The following GAS7 variants were observed in gnomAD, a reference collection of about 807,000 sequenced individuals.
The protein encoded by GAS7 is growth arrest specific 7.
Under a neutral mutation model 71.1 loss-of-function variants are expected in GAS7, and 28 were observed. The observed-to-expected ratio is 0.39, with a 90% confidence interval of 0.29 to 0.54. The LOEUF (loss-of-function observed/expected upper bound fraction) is 0.54. Among genes scored for constraint, GAS7 ranks in the 20% least tolerant of loss-of-function variants. GAS7 has a pLI of 0.62. For synonymous variants in GAS7, 258 were observed against 245.8 expected, an observed-to-expected ratio of 1.05 and a Z score of -0.46; for missense variants, 436 against 627.8, an observed-to-expected ratio of 0.69 and a Z score of 3.27.
chr17:9,977,057 G>A (rs544477429), intron 3 of GAS7, among the ~76,000 whole-genome samples: 1 of 152,342 alleles, frequency 6.6e-6, no homozygotes, highest in African/African-American at 2.4e-5. Context: ...TACTCGTAAT[G>A]CACGATGTCA....
intron 1 of GAS7, among the ~76,000 whole-genome samples, chr17:10,153,664 ATCAT>A: frequency 6.6e-6 from 1 of 152,350 alleles, no homozygotes; most frequent in East Asian, 1.9e-4. Context: ...CATGTATTAA[ATCAT>A]TCATTTACTT....
chr17:10,192,633 AG>A (rs2074511019), intron 1 of GAS7, among the ~76,000 whole-genome samples: 1 of 152,192 alleles, frequency 6.6e-6, no homozygotes, highest in African/African-American at 2.4e-5. Context: ...CTTGTTGCTA[AG>A]GGAACTTTTG....
chr17:10,148,126 G>C (rs1255928730), intron 1 of GAS7, among the ~76,000 whole-genome samples: 1 of 152,128 alleles, frequency 6.6e-6, no homozygotes, highest in Non-Finnish European at 1.5e-5. Flanking sequence ...AGGCATTTTT[G>C]ATTTAGGAGC....
Position 10,125,243 on chromosome 17 carries a change from C to T in GAS7, c.183+72965G>A, listed in dbSNP as rs768887364. Among the ~76,000 whole-genome samples, 216 of 152,044 alleles carry T rather than the reference C, an allele frequency of 1.4e-3. 1 individual carries two copies. The highest frequency in any genetic ancestry group is 1.7e-3 in the Non-Finnish European group (118 of 67,966). On this transcript the variant is annotated intron_variant, in intron 1 of 13. Transcript: ENST00000432992. ...TTAAAAAAAATAGGTCAAGGCTGGG[C>T]GCAGTGGCTCATGCCTATGATCCCA... is the stretch of plus-strand genomic sequence containing the variant.
intron 5 of GAS7, among the ~76,000 whole-genome samples, chr17:9,956,789 G>A (rs1267099738): frequency 1.3e-5 from 2 of 152,184 alleles, no homozygotes; most frequent in African/African-American, 2.4e-5. Context: ...GACAGCACGG[G>A]AAGCGGCTCA....
At chr17:10,100,656 C>G (rs954535975) in intron 1 of GAS7, among the ~76,000 whole-genome samples, 45 of 152,196 alleles carry the variant, frequency 3.0e-4, no homozygotes, top group Non-Finnish European at 1.6e-4. Flanking sequence ...CCAACCCCCC[C>G]ATCCAGGCTC....
intron 1 of GAS7, among the ~76,000 whole-genome samples, chr17:10,105,175 C>T (rs2073745014): frequency 6.6e-6 from 1 of 152,166 alleles, no homozygotes; most frequent in South Asian, 2.1e-4. Flanking sequence ...ACATGCCATG[C>T]GTATTCCTAC....
intron 1 of GAS7, among the ~76,000 whole-genome samples, chr17:10,134,279 C>T (rs2074021850): frequency 6.6e-6 from 1 of 152,124 alleles, no homozygotes. Flanking sequence ...GATCCGCCCG[C>T]CTCGGCCTCC....
chr17:10,016,170 G>A (rs2071988488), intron 2 of GAS7, among the ~76,000 whole-genome samples: 1 of 151,212 alleles, frequency 6.6e-6, no homozygotes, highest in South Asian at 2.1e-4. Context: ...CGGATCACAA[G>A]GCCAGGAGAT....
chr17:10,036,715 A>G (rs1036382144), intron 1 of GAS7: 165 of 1,290,104 alleles, frequency 1.3e-4, no homozygotes, highest in Non-Finnish European at 1.6e-4. Context: ...GAAATTAACA[A>G]CTTGTTCTGG....
intron 2 of GAS7, among the ~76,000 whole-genome samples, chr17:10,004,963 T>C (rs1404074426): frequency 3.9e-5 from 6 of 152,012 alleles, no homozygotes; most frequent in African/African-American, 1.5e-4. Flanking sequence ...TGAGCTGAGA[T>C]CGCGCCATTG....
In GAS7 at chr17:9,945,251, C is replaced by T. The variant is rs141594870; in HGVS notation, c.615+1643G>A. ...CCTCTCTGCCGCCACCACCATCTTT[C>T]CTGGTCTCTTCCACTCACCCGTCAA... On this transcript the variant is annotated intron_variant, in intron 6 of 13. Transcript: ENST00000432992. Among the ~76,000 whole-genome samples, 812 of 152,240 alleles carry T rather than the reference C, an allele frequency of 5.3e-3. 6 individuals are homozygous for T. Among genetic ancestry groups the T allele is most frequent in the Middle Eastern group, 0.024 (7 of 294 alleles).
chr17:10,170,763 T>C (rs1238114926), intron 1 of GAS7, among the ~76,000 whole-genome samples: 1 of 152,224 alleles, frequency 6.6e-6, no homozygotes, highest in African/African-American at 2.4e-5. Flanking sequence ...GTTCAGTGAA[T>C]GAGCCCCGTA....
intron 1 of GAS7, chr17:10,027,222 CAATGAATGAATGAATGAATG>C (rs3834606): frequency 5.9e-5 from 9 of 151,274 alleles, no homozygotes; most frequent in African/African-American, 2.2e-4. Context: ...GTGCCCAGAA[CAATGAATGAATGAATGAATG>C]AATGAATGAA....
In GAS7 at chr17:9,913,074, G is replaced by A. The variant is rs553791386; in HGVS notation, c.*4154C>T. On this transcript the variant is annotated 3_prime_UTR_variant, in exon 14 of 14. Coordinates refer to ENST00000432992, the MANE Select transcript of GAS7 (RefSeq NM_201433.2). ...GCAGGAGAAGGGAATTTTTTGGAGG[G>A]TTAAAAACAGGTTGATCTTGGTGAT... is the stretch of plus-strand genomic sequence containing the variant. 2.5e-4 allele frequency: 57 copies of A among 232,400 alleles called. No homozygotes were observed. The highest frequency in any genetic ancestry group is 1.1e-3 in the African/African-American group (50 of 45,382). The allele number at this position is 232,400 out of a possible 1,614,324, so 14.4% of individuals were successfully genotyped here.
intron 1 of GAS7, among the ~76,000 whole-genome samples, chr17:10,135,785 G>A (rs543073096): frequency 4.5e-4 from 68 of 152,314 alleles, no homozygotes; most frequent in African/African-American, 1.5e-3. Context: ...CACCAGCAAA[G>A]GAGGATGTTT....
intron 9 of GAS7, among the ~76,000 whole-genome samples, chr17:9,927,928 G>T (rs7213191): frequency 6.6e-6 from 1 of 151,834 alleles, no homozygotes; most frequent in African/African-American, 2.4e-5. Flanking sequence ...AAAGGGAACC[G>T]CCCTGTATCC....
chr17:10,195,828 TG>T (rs949589945), intron 1 of GAS7, among the ~76,000 whole-genome samples: 1 of 152,090 alleles, frequency 6.6e-6, no homozygotes, highest in Non-Finnish European at 1.5e-5. Context: ...CCTTCAGCCT[TG>T]AGGTCCAACT....
rs2072195937 is a variant in GAS7, at chr17:10,019,904, G to A, written c.184-7C>T. 4 of 1,612,666 alleles carry A rather than the reference G, an allele frequency of 2.5e-6. No individual in the cohort carries two copies. The East Asian group carries it at 6.7e-5, about 27-fold the overall frequency. ...GGGGGACCATTCCAGGCTTCTGTTG[G>A]AGAAGAAAGAAAAGGTCACACCCAT... On this transcript the variant is annotated splice_region_variant and splice_polypyrimidine_tract_variant and intron_variant, in intron 1 of 13. Transcript: ENST00000432992.
Sources: gnomAD v4.1 joint callset for allele counts (sites outside exome capture counted in the v4.1 genomes callset) on GRCh38, gnomAD v4.1.1 for gene constraint, MANE v1.5 for transcripts, NCBI Gene and HGNC (gene_info 2026-07-23, HGNC 2026-07-21) for gene names.